Variants in HAUS6 observed in about 807,000 individuals in gnomAD.
HAUS6 encodes HAUS augmin like complex subunit 6, also known as HAUS augmin-like complex subunit 6.
HAUS6 carries 80 observed loss-of-function variants against 106.8 expected under a neutral mutation model. That is an observed-to-expected ratio of 0.75 (90% CI 0.63 to 0.90). The LOEUF is 0.90. HAUS6 is among the 40% of genes least tolerant of loss of function. The pLI, the probability that HAUS6 is intolerant of heterozygous loss-of-function variation, is 0.00. For synonymous variants in HAUS6, 356 were observed against 379.1 expected (o/e 0.94, Z 0.71); for missense variants, 1,155 against 1,118.1 (o/e 1.03, Z -0.47).
At chr9:19,070,389 A>G (rs1344868231) in intron 11 of HAUS6, 89 bp from the exon 12 acceptor site, 2 of 729,926 alleles carry the variant, frequency 2.7e-6, no homozygotes, top group Non-Finnish European at 4.7e-6. Context: ...ACAACTTGTA[A>G]ACAGAAGAAA....
intron 11 of HAUS6, among the ~76,000 whole-genome samples, chr9:19,076,091 G>A (rs1471092468): frequency 2.0e-5 from 3 of 151,930 alleles, no homozygotes; most frequent in Non-Finnish European, 4.4e-5. Context: ...TGGGCTCAGT[G>A]GCTCATGCCT....
In HAUS6 at chr9:19,054,971, C is replaced by G. The variant is rs1308049684; in HGVS notation, c.*1372G>C. The G allele has an allele frequency of 6.6e-6, 1 of 152,100 alleles. No homozygotes were observed. The highest frequency in any genetic ancestry group is 1.5e-5 in the Non-Finnish European group (1 of 68,026). 9.4% of individuals were successfully genotyped at this position (152,100 alleles called of 1,614,324 possible). ...CATAGTCCCTGATTTGTTTTATTAA[C>G]TAATAAAAGAAAACAGCAACTTAGG... On this transcript the variant is annotated 3_prime_UTR_variant, in exon 17 of 17. Coordinates refer to ENST00000380502, the MANE Select transcript of HAUS6 (RefSeq NM_017645.5).
intron 11 of HAUS6, among the ~76,000 whole-genome samples, chr9:19,073,504 T>C (rs1456555098): frequency 6.6e-6 from 1 of 151,414 alleles, no homozygotes; most frequent in African/African-American, 2.4e-5. Context: ...TAAAGGCAAG[T>C]AGAGAAACCT....
chr9:19,082,653 GGA>G (rs1324122324), intron 8 of HAUS6, among the ~76,000 whole-genome samples: 1 of 152,098 alleles, frequency 6.6e-6, no homozygotes, highest in Non-Finnish European at 1.5e-5. Flanking sequence ...GGCTGAGGCA[GGA>G]GAATCTCTTG....
intron 12 of HAUS6, among the ~76,000 whole-genome samples, chr9:19,069,018 G>A (rs575925724): frequency 4.2e-4 from 64 of 151,908 alleles, no homozygotes; most frequent in African/African-American, 1.5e-3. Flanking sequence ...TCTTCTTATC[G>A]AATAGTTTAC....
chr9:19,087,029 CCTGTAAAATGCAAGAG>C, intron 6 of HAUS6, 46 bp downstream of exon 6: 1 of 797,322 alleles, frequency 1.3e-6, no homozygotes, highest in Non-Finnish European at 2.2e-6. Flanking sequence ...TGTTTCCTAG[CCTGTAAAATGCAAGAG>C]CTAAACTAGT....
chr9:19,074,281 A>G (rs536186286), intron 11 of HAUS6, among the ~76,000 whole-genome samples: 70 of 152,140 alleles, frequency 4.6e-4, no homozygotes, highest in Non-Finnish European at 7.6e-4. Context: ...AAAGAGAAAG[A>G]AGAGAGAGAG....
intron 4 of HAUS6, chr9:19,089,780 T>C: frequency 1.9e-6 from 1 of 527,994 alleles, no homozygotes; most frequent in Non-Finnish European, 3.3e-6. Context: ...AACTAACAAC[T>C]CCCCAAAAGC....
In HAUS6 at chr9:19,057,985, G is replaced by A; in HGVS notation, c.2782C>T (p.Leu928Phe). 2 of 1,605,912 alleles carry A rather than the reference G, an allele frequency of 1.2e-6. No individual in the cohort carries two copies. The highest frequency in any genetic ancestry group is 1.7e-6 in the Non-Finnish European group (2 of 1,173,386). Reference protein sequence around the residue: ...QRLRTTIACSLGELPNLKEED... With the variant: ...QRLRTTIACSFGELPNLKEED... Reference sequence around the variant, plus strand: ...CCCTTTAAATTAGGTAGTTCTCCAAGACTACATGCTATTGTGGTTCTCAAT... The same window carrying A: ...CCCTTTAAATTAGGTAGTTCTCCAAAACTACATGCTATTGTGGTTCTCAAT... The change falls in exon 16 of 17, where the codon CTT becomes TTT. Residue 928 changes from leucine (L) to phenylalanine (F), a missense_variant. By Grantham distance (22) the Leu-to-Phe change is conservative. This residue lies in a region of HAUS6 where 380 missense variants were observed against 394.8 expected (regional missense o/e 0.96). Coordinates refer to ENST00000380502, the MANE Select transcript of HAUS6 (RefSeq NM_017645.5).
rs1432102925 is a variant in HAUS6 at position 19,055,343 on chromosome 9, T to G, written c.*1000A>C. 6.6e-6 allele frequency: 1 copy of G among 152,250 alleles called. No homozygotes were observed. The allele number at this position is 152,250 out of a possible 1,614,324, so 9.4% of individuals were successfully genotyped here. A position where few individuals can be genotyped will look rare whatever the true frequency, so the allele number is the denominator to read the frequency against. On this transcript the variant is annotated 3_prime_UTR_variant, in exon 17 of 17. Transcript: ENST00000380502. The stretch of plus-strand genomic sequence containing the variant: ...TGTTCACTTGGATGCTAGACACAAG[T>G]CTTTTTCTAGGCAGGGCACCTGAAG...
At chr9:19,085,312 A>G (rs1184961166) in intron 7 of HAUS6, among the ~76,000 whole-genome samples, 3 of 152,204 alleles carry the variant, frequency 2.0e-5, no homozygotes, top group Non-Finnish European at 4.4e-5. Context: ...ACTGATGTGA[A>G]AACTTTAATA....
rs542421865 is a variant in HAUS6, at chr9:19,055,201, G to C, written c.*1142C>G. The C allele has an allele frequency of 6.6e-6, 1 of 152,150 alleles. No homozygotes were observed. Among genetic ancestry groups the C allele is most frequent in the African/African-American group, 2.4e-5 (1 of 41,522 alleles). The allele number at this position is 152,150 out of a possible 1,614,324, so 9.4% of individuals were successfully genotyped here. A position where few individuals can be genotyped will look rare whatever the true frequency, so the allele number is the denominator to read the frequency against. On this transcript the variant is annotated 3_prime_UTR_variant, in exon 17 of 17. Coordinates refer to ENST00000380502, the MANE Select transcript of HAUS6 (RefSeq NM_017645.5). ...CCTTCTTTCCTTGCCAGTTTTTTGG[G>C]GGCTAGTGGACAAGATTTTGATGGT...
intron 4 of HAUS6, among the ~76,000 whole-genome samples, chr9:19,092,916 C>CA (rs71494998): frequency 0.21 from 15,930 of 75,948 alleles, 1,545 homozygotes; most frequent in African/African-American, 0.38. Context: ...AACTGTGTCT[C>CA]AAAAAAAAAA....
chr9:19,091,696 C>G (rs1817752555), intron 4 of HAUS6, among the ~76,000 whole-genome samples: 1 of 152,106 alleles, frequency 6.6e-6, no homozygotes, highest in Non-Finnish European at 1.5e-5. Flanking sequence ...TGAGTCTGCT[C>G]TATCACCCAG....
intron 4 of HAUS6, chr9:19,089,825 G>A (rs1691900798): frequency 4.8e-6 from 2 of 418,830 alleles, no homozygotes; most frequent in Non-Finnish European, 8.5e-6. Flanking sequence ...CTAATGTTTT[G>A]TTTTGGTATT....
At position 19,092,803 on chromosome 9, in the gene HAUS6, T is replaced by C. The variant is rs555051935; in HGVS notation, c.436+368A>G. Among the ~76,000 whole-genome samples the C allele has an allele frequency of 7.3e-5, 11 of 150,142 alleles. No homozygotes were observed. In the South Asian group the frequency reaches 2.3e-3, roughly 32 times the overall value. On this transcript the variant is annotated intron_variant, in intron 4 of 16. Coordinates refer to ENST00000380502, the MANE Select transcript of HAUS6 (RefSeq NM_017645.5). Reference sequence around the variant, plus strand: ...AGCCAGTCATGGTGGCAGACACCTGTAATCCCAGCTACTCAGGAGGCTGAG... The same window carrying C: ...AGCCAGTCATGGTGGCAGACACCTGCAATCCCAGCTACTCAGGAGGCTGAG...
Position 19,082,858 on chromosome 9 carries a change from A to G in HAUS6, c.870+15T>C, listed in dbSNP as rs1399340741. ...AGGAGTTTTCTCAAAAGCTTCCTTAATATCAAATGCTTACCTGAAACATTT... is the reference window on the plus strand; with the variant it reads ...AGGAGTTTTCTCAAAAGCTTCCTTAGTATCAAATGCTTACCTGAAACATTT... On this transcript the variant is annotated intron_variant, in intron 8 of 16. Transcript: ENST00000380502. The G allele has an allele frequency of 1.5e-6, 2 of 1,374,710 alleles. No individual in the cohort carries two copies. Among genetic ancestry groups the G allele is most frequent in the Non-Finnish European group, 1.9e-6 (2 of 1,030,860 alleles). The allele number at this position is 1,374,710 out of a possible 1,614,324, so 85.2% of individuals were successfully genotyped here.
chr9:19,063,711 A>T (rs1400382718), intron 12 of HAUS6, 131 bp from the exon 13 acceptor site: 1 of 786,642 alleles, frequency 1.3e-6, no homozygotes, highest in African/African-American at 1.7e-5. Flanking sequence ...CCCGGTCATC[A>T]AAAGGCAGTT....
At chr9:19,101,875 G>A (rs1817995927) in intron 1 of HAUS6, among the ~76,000 whole-genome samples, 1 of 152,148 alleles carries the variant, frequency 6.6e-6, no homozygotes, top group South Asian at 2.1e-4. Context: ...AGCCGAGATC[G>A]TGCCACTGCA....
Sources: allele counts gnomAD v4.1 joint callset (sites outside exome capture counted in the v4.1 genomes callset), GRCh38; gene constraint gnomAD v4.1.1; regional missense constraint gnomAD v4.1.1; transcripts MANE v1.5; gene names NCBI Gene and HGNC (gene_info 2026-07-23, HGNC 2026-07-21).